The following CARF variants were observed in gnomAD, a reference collection of about 807,000 sequenced individuals.
CARF encodes calcium-responsive transcription factor.
In CARF, 57 loss-of-function variants were observed where a neutral mutation model predicts 82.0. That is an observed-to-expected ratio of 0.70 (90% CI 0.56 to 0.87). The LOEUF is 0.87. Among genes scored for constraint, CARF ranks in the 40% least tolerant of loss-of-function variants. The pLI is 0.00. For synonymous variants in CARF, 268 were observed against 290.1 expected, an observed-to-expected ratio of 0.92 and a Z score of 0.77; for missense variants, 771 against 855.8, an observed-to-expected ratio of 0.90 and a Z score of 1.24.
intron 11 of CARF, 145 bp downstream of exon 11, chr2:202,970,207 T>A: frequency 1.4e-6 from 1 of 736,504 alleles, no homozygotes; most frequent in Non-Finnish European, 2.1e-6. Flanking sequence ...CCCTAGGTAT[T>A]AAATTGATTT....
At chr2:202,935,664 A>T (rs969330782) in intron 3 of CARF, among the ~76,000 whole-genome samples, 68 of 152,134 alleles carry the variant, frequency 4.5e-4, no homozygotes, top group African/African-American at 1.2e-3. Context: ...GGTTCCGGTG[A>T]TCCACCCACC....
At chr2:202,960,252 ATCT>A (rs1450451709) in intron 8 of CARF, among the ~76,000 whole-genome samples, 3 of 151,914 alleles carry the variant, frequency 2.0e-5, no homozygotes, top group South Asian at 2.1e-4. Flanking sequence ...TCAGAGAAGG[ATCT>A]TCTTTTTTTT....
chr2:202,965,291 C>T (rs1254363617), intron 9 of CARF, among the ~76,000 whole-genome samples: 2 of 152,068 alleles, frequency 1.3e-5, no homozygotes, highest in Non-Finnish European at 2.9e-5. Context: ...CCTCGGTGTG[C>T]TGTGTACTTA....
At chr2:202,957,314 T>C (rs1285056375) in intron 8 of CARF, among the ~76,000 whole-genome samples, 1 of 152,208 alleles carries the variant, frequency 6.6e-6, no homozygotes, top group African/African-American at 2.4e-5. Context: ...TGTTATTTTT[T>C]CCACATTATT....
At chr2:202,914,811 A>G (rs907706860) in intron 1 of CARF, among the ~76,000 whole-genome samples, 17 of 151,792 alleles carry the variant, frequency 1.1e-4, no homozygotes, top group Non-Finnish European at 2.1e-4. Flanking sequence ...AATCAGAGCA[A>G]AAAGGTAAAA....
At chr2:202,930,262 T>C (rs1336611652) in intron 3 of CARF, among the ~76,000 whole-genome samples, 1 of 152,146 alleles carries the variant, frequency 6.6e-6, no homozygotes, top group African/African-American at 2.4e-5. Flanking sequence ...TGGCCAGGCC[T>C]GTCTCAACTC....
At chr2:202,946,739 T>G (rs1412500426) in intron 5 of CARF, among the ~76,000 whole-genome samples, 1 of 152,126 alleles carries the variant, frequency 6.6e-6, no homozygotes, top group Non-Finnish European at 1.5e-5. Context: ...TTGCAAGCTA[T>G]CTATCTGACA....
chr2:202,952,619 A>G lies in CARF; in HGVS notation c.367A>G (p.Thr123Ala), dbSNP rs767279283. 63 of 1,613,794 alleles carry G rather than the reference A, an allele frequency of 3.9e-5. No individual in the cohort carries two copies. Among genetic ancestry groups the G allele is most frequent in the Non-Finnish European group, 5.1e-5 (60 of 1,179,960 alleles). ...ACTTCGTGTAATTCCACCTACCCAG[A>G]CAGGAATGGCACAAGTGATTATACC... The part of the protein sequence containing the change: ...QVLRVIPPTQ[T>A]GMAQVIIPQG... Residue 123 changes from threonine to alanine, a missense_variant, in exon 6 of 17, where the codon ACA becomes GCA. Transcript: ENST00000438828.
chr2:202,970,087 A>G, intron 11 of CARF, 25 bp downstream of exon 11: 2 of 1,532,606 alleles, frequency 1.3e-6, no homozygotes, highest in Non-Finnish European at 1.7e-6. Flanking sequence ...TAGTTCTTTT[A>G]TTTTACAAAT....
intron 9 of CARF, among the ~76,000 whole-genome samples, chr2:202,963,598 T>C (rs2059415103): frequency 6.6e-6 from 1 of 152,188 alleles, no homozygotes; most frequent in Admixed American, 6.5e-5. Flanking sequence ...ACTTTATTTC[T>C]ATTATTACTA....
rs753647310 is a variant in CARF, at chr2:202,982,178, G to A, written c.1796G>A (p.Gly599Glu). ...SSPSGLLDTI[G>E]SAVMNNNSLL... ...CCTTCAGGACTTCTGGATACAATAG[G>A]AAGTGCTGTAATGAATAATAATTCT... is the stretch of plus-strand genomic sequence containing the variant. Residue 599 changes from glycine (G) to glutamate (E), a missense_variant, in exon 16 of 17, where the codon GGA (glycine) becomes GAA (glutamate). Gly to Glu is a moderately conservative substitution (Grantham distance 98). Transcript: ENST00000438828. The A allele has an allele frequency of 2.5e-6, 4 of 1,614,148 alleles. No individual in the cohort carries two copies. In the Admixed American group the frequency reaches 6.7e-5, roughly 27 times the overall value.
chr2:202,977,442 C>A, intron 14 of CARF, 110 bp downstream of exon 14: 1 of 782,208 alleles, frequency 1.3e-6, no homozygotes, highest in Non-Finnish European at 2.2e-6. Context: ...AAACCAGGAT[C>A]CAAAGACGTA....
intron 1 of CARF, 123 bp downstream of exon 1, chr2:202,913,225 T>G (rs1249059168): frequency 6.6e-6 from 1 of 152,102 alleles, no homozygotes; most frequent in East Asian, 1.9e-4. Flanking sequence ...AGAAGAGATT[T>G]AAACAATTGG....
At chr2:202,915,917 A>C (rs1292595651) in intron 1 of CARF, among the ~76,000 whole-genome samples, 1 of 152,146 alleles carries the variant, frequency 6.6e-6, no homozygotes, top group African/African-American at 2.4e-5. Context: ...AGAAAATTTA[A>C]AAATTAATAT....
chr2:202,969,679 G>C (rs1424111040), intron 10 of CARF, among the ~76,000 whole-genome samples: 1 of 151,872 alleles, frequency 6.6e-6, no homozygotes, highest in African/African-American at 2.4e-5. Context: ...GCAAATCTAC[G>C]GGAAAAAAAT....
At chr2:202,949,393 C>A (rs1268973888) in intron 5 of CARF, among the ~76,000 whole-genome samples, 1 of 151,732 alleles carries the variant, frequency 6.6e-6, no homozygotes, top group Non-Finnish European at 1.5e-5. Context: ...GGCTTAACTG[C>A]AGTGGCATGA....
Position 202,954,092 on chromosome 2 carries a change from A to T in CARF, c.515A>T (p.His172Leu), listed in dbSNP as rs1464323042. Residue 172 changes from histidine to leucine, a missense_variant, in exon 7 of 17, where the codon CAT becomes CTT. By Grantham distance (99) the His-to-Leu change is moderately conservative. Coordinates refer to ENST00000438828, the MANE Select transcript of CARF (RefSeq NM_024744.17). ...GACAATACCAGCAATTACATTCTTC[A>T]TCCTCAAACATCCTTCCCATTGCCC... ...LADNTSNYILHPQTSFPLPKK... is the reference protein window; with the variant it reads ...LADNTSNYILLPQTSFPLPKK... 1 of 1,613,560 alleles carries T rather than the reference A, an allele frequency of 6.2e-7. No homozygotes were observed. The highest frequency in any genetic ancestry group is 2.2e-5 in the East Asian group (1 of 44,800).
chr2:202,919,750 A>G (rs995251483), intron 2 of CARF, among the ~76,000 whole-genome samples: 1 of 152,222 alleles, frequency 6.6e-6, no homozygotes, highest in Non-Finnish European at 1.5e-5. Context: ...TATTGGTTTG[A>G]AAAAGTTCCT....
intron 3 of CARF, among the ~76,000 whole-genome samples, chr2:202,928,179 A>G (rs1022504510): frequency 8.5e-5 from 13 of 152,132 alleles, no homozygotes; most frequent in African/African-American, 3.1e-4. Flanking sequence ...CCCTACTTCT[A>G]TGAAATCAAC....
Sources: gnomAD v4.1 joint callset for allele counts (sites outside exome capture counted in the v4.1 genomes callset) on GRCh38, gnomAD v4.1.1 for gene constraint, MANE v1.5 for transcripts, NCBI Gene and HGNC (gene_info 2026-07-23, HGNC 2026-07-21) for gene names.